Variants in ATAD2 observed in about 807,000 individuals in gnomAD.
ATAD2 encodes ATPase family AAA domain containing 2.
A neutral mutation model predicts 168.9 loss-of-function variants in ATAD2; 62 were observed. That is an observed-to-expected ratio of 0.37 (90% CI 0.30 to 0.45). The LOEUF (loss-of-function observed/expected upper bound fraction) is 0.45. Ranked by LOEUF, ATAD2 falls within the 20% of genes least tolerant of loss-of-function variation. ATAD2 has a pLI of 1.00. For missense variants in ATAD2, 1,419 were observed against 1,667.8 expected (o/e 0.85, Z 2.60); for synonymous variants, 613 against 571.6 (o/e 1.07, Z -1.03).
At position 123,320,959 on chromosome 8, in the gene ATAD2, CAT is replaced by C. The variant is rs1236981073; in HGVS notation, c.*173_*174del. 4 of 586,474 alleles carry C rather than the reference CAT, an allele frequency of 6.8e-6. No individual in the cohort carries two copies. In the South Asian group the frequency reaches 9.1e-5, roughly 13 times the overall value. 36.3% of individuals were successfully genotyped at this position (586,474 alleles called of 1,614,324 possible). A position where few individuals can be genotyped will look rare whatever the true frequency, so the allele number is the denominator to read the frequency against. On this transcript the variant is annotated 3_prime_UTR_variant, in exon 28 of 28. Transcript: ENST00000287394. Reference sequence around the variant, plus strand: ...TCCAATATTTATCAGTTATCTTACACATGACATTTATCTTAATATGTACATAA... The same window carrying C: ...TCCAATATTTATCAGTTATCTTACACGACATTTATCTTAATATGTACATAA...
At chr8:123,342,474 C>T (rs898379186) in intron 19 of ATAD2, 3 of 151,752 alleles carry the variant, frequency 2.0e-5, no homozygotes, top group Non-Finnish European at 4.4e-5. Flanking sequence ...AGCATGACCC[C>T]TTTGTAAGTT....
chr8:123,400,474 A>AT (rs57858763), upstream of ATAD2: 8,165 of 372,326 alleles, frequency 0.022, 637 homozygotes, highest in African/African-American at 0.16. This position sits in a 1 kb window ranked among gnomAD's most constrained non-coding sequence, Gnocchi z 4.5. Context: ...GTTCCAAACC[A>AT]TTCGGGGGAA....
chr8:123,356,740 T>C (rs773274303), intron 12 of ATAD2, among the ~76,000 whole-genome samples: 2 of 151,556 alleles, frequency 1.3e-5, no homozygotes, highest in Non-Finnish European at 2.9e-5. Context: ...CTCTGCCTCC[T>C]GGGTTCAAGT....
intron 8 of ATAD2, among the ~76,000 whole-genome samples, chr8:123,366,037 A>G (rs536364043): frequency 4.6e-5 from 7 of 152,324 alleles, no homozygotes; most frequent in South Asian, 4.1e-4. Flanking sequence ...CAAAAGACTA[A>G]TATCTAGCAT....
intron 24 of ATAD2, among the ~76,000 whole-genome samples, chr8:123,330,819 G>A (rs989233469): frequency 3.7e-4 from 57 of 152,064 alleles, no homozygotes; most frequent in African/African-American, 1.3e-3. Context: ...TCTTGCATCC[G>A]GATAAAAGCT....
intron 19 of ATAD2, among the ~76,000 whole-genome samples, chr8:123,343,586 C>A (rs1297305318): frequency 1.3e-5 from 2 of 151,976 alleles, no homozygotes; most frequent in Non-Finnish European, 2.9e-5. Flanking sequence ...AAAGTGTAAA[C>A]CAATTGTCAA....
At position 123,371,756 on chromosome 8, in the gene ATAD2, A is replaced by C. The variant is rs1829156107; in HGVS notation, c.450T>G (p.Gly150=). ...TACAACTTCGACGCACTTCAACATCACCATTATCTTCATGTAAGTGTTCTG... is the reference window on the plus strand; with the variant it reads ...TACAACTTCGACGCACTTCAACATCCCCATTATCTTCATGTAAGTGTTCTG... The part of the protein sequence containing the change: ...QSTEHLHEDN[G]DVEVRRSCRI... The change falls in exon 4 of 28, where the codon GGT becomes GGG. Residue 150 remains glycine (G), a synonymous_variant. Transcript: ENST00000287394. 32 of 1,613,568 alleles carry C rather than the reference A, an allele frequency of 2.0e-5. No individual in the cohort carries two copies. Among genetic ancestry groups the C allele is most frequent in the Non-Finnish European group, 2.5e-5 (30 of 1,179,752 alleles).
chr8:123,400,755 G>T, upstream of ATAD2: 1 of 781,666 alleles, frequency 1.3e-6, no homozygotes, highest in Admixed American at 1.7e-5. This position sits in a 1 kb window ranked among gnomAD's most constrained non-coding sequence, Gnocchi z 4.5. Flanking sequence ...GGAAGATCAC[G>T]CTGAAGACGC....
intron 24 of ATAD2, among the ~76,000 whole-genome samples, chr8:123,331,698 C>T (rs534531938): frequency 1.2e-4 from 19 of 152,330 alleles, no homozygotes; most frequent in African/African-American, 4.3e-4. Context: ...GCACTTCCAG[C>T]ATTACTAGTG....
chr8:123,369,721 A>G, intron 7 of ATAD2, 100 bp downstream of exon 7: 1 of 1,057,646 alleles, frequency 9.5e-7, no homozygotes, highest in Non-Finnish European at 1.4e-6. Flanking sequence ...ACAAAATGAA[A>G]ATATGAAAAA....
intron 13 of ATAD2, among the ~76,000 whole-genome samples, chr8:123,354,298 C>T (rs1447643252): frequency 6.6e-6 from 1 of 152,180 alleles, no homozygotes; most frequent in Non-Finnish European, 1.5e-5. Flanking sequence ...TAATCATCTT[C>T]AACATGCAAT....
chr8:123,377,126 T>C (rs1223663934), intron 2 of ATAD2, among the ~76,000 whole-genome samples: 12 of 68,236 alleles, frequency 1.8e-4, no homozygotes, highest in African/African-American at 6.8e-4. Context: ...CCAGGTGTGG[T>C]GGTGCAAACT....
At chr8:123,357,187 C>A (rs1381989651) in intron 12 of ATAD2, among the ~76,000 whole-genome samples, 1 of 152,164 alleles carries the variant, frequency 6.6e-6, no homozygotes. Context: ...TATTATCTTA[C>A]AATGTGCTGT....
intron 24 of ATAD2, 55 bp from the exon 25 acceptor site, chr8:123,328,634 T>A: frequency 6.8e-7 from 1 of 1,472,470 alleles, no homozygotes; most frequent in Non-Finnish European, 9.0e-7. Flanking sequence ...TTTCTGAAAT[T>A]CAAAGAGTGA....
At chr8:123,373,264 C>T (rs1268931866) in intron 2 of ATAD2, among the ~76,000 whole-genome samples, 1 of 151,602 alleles carries the variant, frequency 6.6e-6, no homozygotes. Context: ...TGGTCTTGAA[C>T]TCCTGGCCTC....
intron 1 of ATAD2, chr8:123,401,673 T>A: frequency 1.3e-6 from 1 of 788,584 alleles, no homozygotes. Flanking sequence ...GGTGGCATCC[T>A]GACTGTGGGG....
intron 1 of ATAD2, among the ~76,000 whole-genome samples, chr8:123,409,121 G>C (rs114634488): frequency 1.3e-5 from 2 of 151,950 alleles, no homozygotes; most frequent in Non-Finnish European, 2.9e-5. Context: ...CCACGGCCCC[G>C]GCTGATATAT....
chr8:123,378,297 G>A (rs1050717600), intron 2 of ATAD2, among the ~76,000 whole-genome samples: 14 of 151,724 alleles, frequency 9.2e-5, no homozygotes, highest in Non-Finnish European at 1.6e-4. Context: ...TGGATAAGAC[G>A]CAAATTAAAA....
intron 26 of ATAD2, 138 bp downstream of exon 26, chr8:123,325,755 A>G (rs1319626584): frequency 1.7e-5 from 19 of 1,111,014 alleles, no homozygotes; most frequent in Non-Finnish European, 2.4e-5. Flanking sequence ...GGAGAAGAAC[A>G]GTAAAGGGAA....
Sources: allele counts gnomAD v4.1 joint callset (sites outside exome capture counted in the v4.1 genomes callset), GRCh38; gene constraint gnomAD v4.1.1; non-coding constraint Gnocchi (gnomAD v3.1); transcripts MANE v1.5; gene names NCBI Gene and HGNC (gene_info 2026-07-23, HGNC 2026-07-21).